The following MAPKAPK5 variants were observed in gnomAD, a reference collection of about 807,000 sequenced individuals.
The protein encoded by MAPKAPK5 is MAPK activated protein kinase 5.
In MAPKAPK5, 30 loss-of-function variants were observed where a neutral mutation model predicts 65.1. The observed-to-expected ratio is 0.46, with a 90% CI of 0.34 to 0.63. The LOEUF (loss-of-function observed/expected upper bound fraction) is 0.63. Among genes scored for constraint, MAPKAPK5 ranks in the 20% least tolerant of loss-of-function variants. The pLI is 0.01. For synonymous variants in MAPKAPK5, 179 were observed against 204.6 expected (o/e 0.87, Z 1.07); for missense variants, 433 against 581.4 (o/e 0.74, Z 2.63).
intron 10 of MAPKAPK5, among the ~76,000 whole-genome samples, chr12:111,887,413 T>C (rs2070439207): frequency 6.6e-6 from 1 of 152,208 alleles, no homozygotes; most frequent in African/African-American, 2.4e-5. Context: ...GGCTTACGCC[T>C]GTAATCCCAG....
In MAPKAPK5 at chr12:111,883,782, C is replaced by T; in HGVS notation, c.848+14C>T. ...TGTTGTGAGGAAGTGAGTTCACGGG[C>T]TGCTGGGCATGGAGGCCAAGGAGGC... On this transcript the variant is annotated intron_variant, in intron 9 of 13. Transcript: ENST00000550735. The surrounding 1 kb of genome is among the most constrained non-coding windows in gnomAD (Gnocchi z 4.8). 1 of 1,610,242 alleles carries T rather than the reference C, an allele frequency of 6.2e-7. No homozygotes were observed. Among genetic ancestry groups the T allele is most frequent in the Non-Finnish European group, 8.5e-7 (1 of 1,178,346 alleles).
intron 1 of MAPKAPK5, among the ~76,000 whole-genome samples, chr12:111,848,608 T>G (rs1416081622): frequency 2.0e-5 from 3 of 151,520 alleles, no homozygotes; most frequent in East Asian, 3.9e-4. Flanking sequence ...AGATGGGGTT[T>G]CACCATGTTG....
In MAPKAPK5 at chr12:111,901,519, T is replaced by G. The variant is rs1173448214; in HGVS notation, c.*8458T>G. 1 of 373,946 alleles carries G rather than the reference T, an allele frequency of 2.7e-6. No individual in the cohort carries two copies. Among genetic ancestry groups the G allele is most frequent in the Non-Finnish European group, 5.3e-6 (1 of 188,624 alleles). 23.2% of individuals were successfully genotyped at this position (373,946 alleles called of 1,614,324 possible). A position where few individuals can be genotyped will look rare whatever the true frequency, so the allele number is the denominator to read the frequency against. ...ATAATATTATTATTAAGTACAATTATTTGATCTGCTTGCTTAAAAAATCAC... is the reference window on the plus strand; with the variant it reads ...ATAATATTATTATTAAGTACAATTAGTTGATCTGCTTGCTTAAAAAATCAC... On this transcript the variant is annotated 3_prime_UTR_variant, in exon 14 of 14. Coordinates refer to ENST00000550735, the MANE Select transcript of MAPKAPK5 (RefSeq NM_003668.4).
Position 111,842,545 on chromosome 12 carries a change from A to G in MAPKAPK5, c.-189A>G. 2 of 368,202 alleles carry G rather than the reference A, an allele frequency of 5.4e-6. No individual in the cohort carries two copies. Among genetic ancestry groups the G allele is most frequent in the Non-Finnish European group, 5.0e-6 (1 of 200,648 alleles). The allele number at this position is 368,202 out of a possible 1,614,324, so 22.8% of individuals were successfully genotyped here. On this transcript the variant is annotated 5_prime_UTR_variant, in exon 1 of 14. Coordinates refer to ENST00000550735, the MANE Select transcript of MAPKAPK5 (RefSeq NM_003668.4). ...CGCCTCCGCCGCTGCTGCTGCCGCC[A>G]GCCTAGAGCCGCCCGCCGAAGCAGA...
In MAPKAPK5 at chr12:111,901,375, G is replaced by A; in HGVS notation, c.*8314G>A. On this transcript the variant is annotated 3_prime_UTR_variant, in exon 14 of 14. Coordinates refer to ENST00000550735, the MANE Select transcript of MAPKAPK5 (RefSeq NM_003668.4). ...GGAAGTGGAGGTAGTGTGGACAGTG[G>A]CCCTCCTGGTAAGCTAGGTGGGACA... 1 of 456,042 alleles carries A rather than the reference G, an allele frequency of 2.2e-6. No homozygotes were observed. The highest frequency in any genetic ancestry group is 4.4e-6 in the Non-Finnish European group (1 of 226,800). The allele number at this position is 456,042 out of a possible 1,614,324, so 28.2% of individuals were successfully genotyped here. A position where few individuals can be genotyped will look rare whatever the true frequency, so the allele number is the denominator to read the frequency against.
chr12:111,878,286 CATT>C (rs1217406222), intron 7 of MAPKAPK5, among the ~76,000 whole-genome samples: 1 of 151,988 alleles, frequency 6.6e-6, no homozygotes, highest in East Asian at 1.9e-4. Context: ...TTAGGTTTTA[CATT>C]TAGGTCTGTG....
At chr12:111,890,210 G>A in intron 13 of MAPKAPK5, 66 bp downstream of exon 13, 1 of 1,207,508 alleles carries the variant, frequency 8.3e-7, no homozygotes, top group Non-Finnish European at 1.2e-6. Context: ...GAACATATAG[G>A]ATCTCTTTGG....
At position 111,893,241 on chromosome 12, in the gene MAPKAPK5, G is replaced by A. The variant is rs2070688914; in HGVS notation, c.*180G>A. 1 of 394,062 alleles carries A rather than the reference G, an allele frequency of 2.5e-6. No homozygotes were observed. The highest frequency in any genetic ancestry group is 4.6e-6 in the Non-Finnish European group (1 of 218,252). 24.4% of individuals were successfully genotyped at this position (394,062 alleles called of 1,614,324 possible). On this transcript the variant is annotated 3_prime_UTR_variant, in exon 14 of 14. Coordinates refer to ENST00000550735, the MANE Select transcript of MAPKAPK5 (RefSeq NM_003668.4). ...ATTGTTTGTTTTTAAGAAAAGCTCAGTTCTAGAGACATACTATTACTTTAG... is the reference window on the plus strand; with the variant it reads ...ATTGTTTGTTTTTAAGAAAAGCTCAATTCTAGAGACATACTATTACTTTAG...
In MAPKAPK5 at chr12:111,901,316, T is replaced by C. The variant is rs1184237706; in HGVS notation, c.*8255T>C. 1 of 456,034 alleles carries C rather than the reference T, an allele frequency of 2.2e-6. No individual in the cohort carries two copies. Among genetic ancestry groups the C allele is most frequent in the South Asian group, 1.5e-5 (1 of 64,558 alleles). 28.2% of individuals were successfully genotyped at this position (456,034 alleles called of 1,614,324 possible). ...ATGATTTAGGGCACTGCCACTGTAA[T>C]GAAGGGCATGCCCCCCCTGACTGTG... On this transcript the variant is annotated 3_prime_UTR_variant, in exon 14 of 14. Transcript: ENST00000550735.
In MAPKAPK5 at chr12:111,893,026, A is replaced by T. The variant is rs1333602215; in HGVS notation, c.1381A>T (p.Ile461Leu). Residue 461 changes from isoleucine to leucine, a missense_variant, in exon 14 of 14, where the codon ATA becomes TTA. By Grantham distance (5) the Ile-to-Leu change is conservative (BLOSUM62 2). This residue lies in a region of MAPKAPK5 where 169 missense variants were observed against 215.6 expected (regional missense o/e 0.78). Transcript: ENST00000550735. Reference sequence around the variant, plus strand: ...ACTGGCAGAAATTGTGAAGCAGGTGATAGAAGAGCAAACCACGTCCCACGA... The same window carrying T: ...ACTGGCAGAAATTGTGAAGCAGGTGTTAGAAGAGCAAACCACGTCCCACGA... ...LKLAEIVKQV[I>L]EEQTTSHESQ is the part of the protein sequence containing the mutation. The T allele has an allele frequency of 9.5e-6, 15 of 1,584,454 alleles. No individual in the cohort carries two copies. The highest frequency in any genetic ancestry group is 1.3e-5 in the African/African-American group (1 of 74,254).
intron 7 of MAPKAPK5, among the ~76,000 whole-genome samples, chr12:111,871,457 G>A (rs1465393079): frequency 1.3e-5 from 2 of 151,944 alleles, no homozygotes; most frequent in Admixed American, 1.3e-4. Flanking sequence ...TGGATAACAC[G>A]GTGAAACCCT....
intron 7 of MAPKAPK5, 138 bp downstream of exon 7, chr12:111,871,318 T>C (rs1302901151): frequency 7.4e-6 from 5 of 676,496 alleles, no homozygotes; most frequent in Non-Finnish European, 1.2e-5. Flanking sequence ...TACAGATTGC[T>C]TTATTTGGTG....
chr12:111,901,075 A>G lies in MAPKAPK5; in HGVS notation c.*8014A>G, dbSNP rs1432335223. On this transcript the variant is annotated 3_prime_UTR_variant, in exon 14 of 14. Coordinates refer to ENST00000550735, the MANE Select transcript of MAPKAPK5 (RefSeq NM_003668.4). ...GGTATTACAGGCTTACCAAAAATCA[A>G]TCTCCAACATACAATGATTCAGGTC... The G allele has an allele frequency of 3.1e-5, 14 of 455,966 alleles. No homozygotes were observed. The highest frequency in any genetic ancestry group is 4.4e-5 in the Non-Finnish European group (10 of 226,800). The allele number at this position is 455,966 out of a possible 1,614,324, so 28.2% of individuals were successfully genotyped here. A position where few individuals can be genotyped will look rare whatever the true frequency, so the allele number is the denominator to read the frequency against.
intron 13 of MAPKAPK5, among the ~76,000 whole-genome samples, chr12:111,891,470 G>A (rs1020240711): frequency 2.0e-4 from 30 of 151,632 alleles, no homozygotes; most frequent in African/African-American, 7.0e-4. Flanking sequence ...CATTCTTGGA[G>A]GAGATTCACT....
Position 111,883,632 on chromosome 12 carries a change from T to C in MAPKAPK5, c.712T>C (p.Tyr238His). Reference protein sequence around the residue: ...GVIIYVMLCGYPPFYSKHHSR... With the variant: ...GVIIYVMLCGHPPFYSKHHSR... ...GATTATCTATGTGATGCTGTGCGGA[T>C]ACCCTCCTTTTTACTCCAAACACCA... Residue 238 changes from tyrosine (Y) to histidine (H), a missense_variant, in exon 9 of 14, where the codon TAC (tyrosine) becomes CAC (histidine). Tyr to His is a moderately conservative substitution (Grantham distance 83). This residue lies in a region of MAPKAPK5 where 99 missense variants were observed against 185.8 expected (regional missense o/e 0.53). Coordinates refer to ENST00000550735, the MANE Select transcript of MAPKAPK5 (RefSeq NM_003668.4). This position sits in a 1 kb window ranked among gnomAD's most constrained non-coding sequence, Gnocchi z 4.8. 1 of 1,613,994 alleles carries C rather than the reference T, an allele frequency of 6.2e-7. No individual in the cohort carries two copies. Among genetic ancestry groups the C allele is most frequent in the Non-Finnish European group, 8.5e-7 (1 of 1,179,882 alleles).
intron 10 of MAPKAPK5, 63 bp downstream of exon 10, chr12:111,886,099 G>C: frequency 1.2e-6 from 2 of 1,611,394 alleles, no homozygotes; most frequent in South Asian, 2.2e-5. Flanking sequence ...GCTGGGGCTT[G>C]GCTCAGTGAG....
chr12:111,880,329 T>C (rs2070152251), intron 7 of MAPKAPK5, 118 bp from the exon 8 acceptor site: 3 of 815,988 alleles, frequency 3.7e-6, no homozygotes, highest in Admixed American at 4.5e-5. Context: ...TGGAGTTTTT[T>C]TTCGATGGCT....
chr12:111,893,243 T>C lies in MAPKAPK5; in HGVS notation c.*182T>C. ...TGTTTGTTTTTAAGAAAAGCTCAGT[T>C]CTAGAGACATACTATTACTTTAGGA... On this transcript the variant is annotated 3_prime_UTR_variant, in exon 14 of 14. Transcript: ENST00000550735. 7.7e-6 allele frequency: 3 copies of C among 390,034 alleles called. No homozygotes were observed. The allele number at this position is 390,034 out of a possible 1,614,324, so 24.2% of individuals were successfully genotyped here. A position where few individuals can be genotyped will look rare whatever the true frequency, so the allele number is the denominator to read the frequency against.
chr12:111,868,470 GA>G (rs1161091446), intron 4 of MAPKAPK5, among the ~76,000 whole-genome samples: 1 of 151,924 alleles, frequency 6.6e-6, no homozygotes, highest in African/African-American at 2.4e-5. Context: ...AAACAAATGG[GA>G]AAAAAACGCT....
Sources: gnomAD v4.1 joint callset for allele counts (sites outside exome capture counted in the v4.1 genomes callset) on GRCh38, gnomAD v4.1.1 for gene constraint, gnomAD v4.1.1 regional missense constraint, Gnocchi (gnomAD v3.1) non-coding constraint, MANE v1.5 for transcripts, NCBI Gene and HGNC (gene_info 2026-07-23, HGNC 2026-07-21) for gene names.